CTNNBL1: variants seen among roughly 807,000 people sequenced by gnomAD.
CTNNBL1 encodes the protein catenin beta like 1, also known as beta-catenin-like protein 1.
Under a neutral mutation model 72.7 loss-of-function variants are expected in CTNNBL1, and 31 were observed. The observed-to-expected ratio is 0.43, with a 90% CI of 0.32 to 0.58. The LOEUF is 0.58. Ranked by LOEUF, CTNNBL1 falls within the 20% of genes least tolerant of loss-of-function variation. The pLI is 0.08. For synonymous variants in CTNNBL1, 240 were observed against 267.3 expected (o/e 0.90, Z 1.00); for missense variants, 534 against 725.1 (o/e 0.74, Z 3.03).
At chr20:37,794,652 C>A (rs987324529) in intron 10 of CTNNBL1, among the ~76,000 whole-genome samples, 9 of 152,052 alleles carry the variant, frequency 5.9e-5, no homozygotes, top group African/African-American at 2.2e-4. Flanking sequence ...ACCACGACAC[C>A]TGGCTAATTT....
chr20:37,779,419 T>C (rs773907607), intron 10 of CTNNBL1, 84 bp downstream of exon 10: 3 of 1,481,878 alleles, frequency 2.0e-6, no homozygotes, highest in Non-Finnish European at 2.8e-6. Context: ...GTAGCTATGA[T>C]CATTTATTCT....
chr20:37,830,277 A>T (rs2072196498), intron 11 of CTNNBL1, among the ~76,000 whole-genome samples: 1 of 152,218 alleles, frequency 6.6e-6, no homozygotes, highest in South Asian at 2.1e-4. Context: ...CCATCATCTC[A>T]CATAGCATTT....
intron 1 of CTNNBL1, among the ~76,000 whole-genome samples, chr20:37,730,291 G>C (rs1478718634): frequency 2.0e-5 from 3 of 152,140 alleles, no homozygotes; most frequent in Admixed American, 2.0e-4. Flanking sequence ...GCATATCGCT[G>C]GTGGGTGTGA....
intron 4 of CTNNBL1, chr20:37,750,220 G>A (rs957896806): frequency 6.6e-6 from 1 of 152,240 alleles, no homozygotes; most frequent in Non-Finnish European, 1.5e-5. Flanking sequence ...GTGAGGGCTT[G>A]TCAGCGCTTC....
intron 13 of CTNNBL1, among the ~76,000 whole-genome samples, chr20:37,847,030 T>A (rs2072352840): frequency 6.6e-6 from 1 of 152,194 alleles, no homozygotes; most frequent in South Asian, 2.1e-4. Flanking sequence ...GAAATTAATA[T>A]CTGTCTGTGA....
intron 4 of CTNNBL1, among the ~76,000 whole-genome samples, chr20:37,749,675 A>G (rs933103083): frequency 1.3e-5 from 2 of 152,206 alleles, no homozygotes; most frequent in African/African-American, 4.8e-5. Flanking sequence ...AATTTTAATT[A>G]GAGGCAGCAA....
chr20:37,766,900 G>A (rs1198657190), intron 6 of CTNNBL1, among the ~76,000 whole-genome samples: 4 of 152,162 alleles, frequency 2.6e-5, no homozygotes, highest in African/African-American at 7.2e-5. Flanking sequence ...AGATTAAAAC[G>A]AATGAGTTGA....
At chr20:37,810,737 A>G (rs1329489790) in intron 11 of CTNNBL1, among the ~76,000 whole-genome samples, 2 of 152,216 alleles carry the variant, frequency 1.3e-5, no homozygotes, top group South Asian at 2.1e-4. Context: ...AGTGAAGGAA[A>G]TGGCAGAGGG....
At chr20:37,728,117 C>G (rs2073100358) in intron 1 of CTNNBL1, among the ~76,000 whole-genome samples, 1 of 152,142 alleles carries the variant, frequency 6.6e-6, no homozygotes, top group Non-Finnish European at 1.5e-5. Context: ...TGGAAATCCC[C>G]TAGGCCTGTG....
At chr20:37,856,977 A>T (rs1297987959) in intron 13 of CTNNBL1, among the ~76,000 whole-genome samples, 1 of 152,196 alleles carries the variant, frequency 6.6e-6, no homozygotes, top group Non-Finnish European at 1.5e-5. Flanking sequence ...TCATTTCCAT[A>T]TCAAAGATGA....
intron 7 of CTNNBL1, among the ~76,000 whole-genome samples, chr20:37,774,879 A>C (rs952193152): frequency 6.6e-6 from 1 of 152,128 alleles, no homozygotes; most frequent in Non-Finnish European, 1.5e-5. Context: ...TAACTCTCCA[A>C]ATAAGTGGGA....
intron 15 of CTNNBL1, among the ~76,000 whole-genome samples, chr20:37,864,538 T>C (rs1340870334): frequency 1.3e-5 from 2 of 152,090 alleles, no homozygotes; most frequent in Non-Finnish European, 2.9e-5. Context: ...AGGGAATAAT[T>C]GATGGCTCAT....
chr20:37,719,056 A>G (rs963351449), intron 1 of CTNNBL1, among the ~76,000 whole-genome samples: 18 of 152,230 alleles, frequency 1.2e-4, no homozygotes, highest in African/African-American at 4.3e-4. Context: ...GAGTTTTACT[A>G]TACTTAGCCT....
chr20:37,756,637 T>C (rs999112323), intron 4 of CTNNBL1, among the ~76,000 whole-genome samples: 3 of 148,274 alleles, frequency 2.0e-5, no homozygotes, highest in Admixed American at 6.7e-5. Flanking sequence ...CCCTTTCTTT[T>C]TTTTTTTTTT....
intron 13 of CTNNBL1, among the ~76,000 whole-genome samples, chr20:37,858,239 TG>T (rs1165758057): frequency 1.3e-5 from 2 of 152,168 alleles, no homozygotes; most frequent in African/African-American, 4.8e-5. Flanking sequence ...TTCCTCTCAT[TG>T]TCTCATTGGC....
intron 9 of CTNNBL1, among the ~76,000 whole-genome samples, chr20:37,778,056 T>G (rs900627482): frequency 2.6e-5 from 4 of 152,166 alleles, no homozygotes; most frequent in African/African-American, 9.7e-5. Flanking sequence ...TCACCAACCT[T>G]CCTTTCAATC....
At chr20:37,817,810 C>T (rs1024303750) in intron 11 of CTNNBL1, among the ~76,000 whole-genome samples, 2 of 152,192 alleles carry the variant, frequency 1.3e-5, no homozygotes, top group East Asian at 1.9e-4. Flanking sequence ...TTGATATCTG[C>T]CTCACAAGTT....
intron 13 of CTNNBL1, among the ~76,000 whole-genome samples, chr20:37,844,051 G>T (rs2072326892): frequency 6.6e-6 from 1 of 152,144 alleles, no homozygotes; most frequent in Non-Finnish European, 1.5e-5. Flanking sequence ...TAACTTGGAC[G>T]TGAAGGACAC....
chr20:37,802,890 G>A lies in CTNNBL1; in HGVS notation c.1055G>A (p.Ser352Asn). 1 of 1,613,388 alleles carries A rather than the reference G, an allele frequency of 6.2e-7. No individual in the cohort carries two copies. Among genetic ancestry groups the A allele is most frequent in the Non-Finnish European group, 8.5e-7 (1 of 1,179,680 alleles). ...MLREKKISRSSALKVLDHAMI... is the reference protein window; with the variant it reads ...MLREKKISRSNALKVLDHAMI... ...AGGGAAAAGAAGATCTCCCGGAGCAGTGCCCTGAAAGTGCTGGACCATGCC... is the reference window on the plus strand; with the variant it reads ...AGGGAAAAGAAGATCTCCCGGAGCAATGCCCTGAAAGTGCTGGACCATGCC... Residue 352 changes from serine (S) to asparagine (N), a missense_variant, in exon 11 of 16, where the codon AGT becomes AAT. Physicochemically the swap from Ser to Asn is conservative, Grantham distance 46. Coordinates refer to ENST00000361383, the MANE Select transcript of CTNNBL1 (RefSeq NM_030877.5).
Sources: allele counts gnomAD v4.1 joint callset (sites outside exome capture counted in the v4.1 genomes callset), GRCh38; gene constraint gnomAD v4.1.1; transcripts MANE v1.5; gene names NCBI Gene and HGNC (gene_info 2026-07-23, HGNC 2026-07-21).